The following MYO6 variants were observed in gnomAD, a reference collection of about 807,000 sequenced individuals.
The protein encoded by MYO6 is myosin VI.
MYO6 carries 74 observed loss-of-function variants against 178.7 expected under a neutral mutation model. That is an observed-to-expected ratio of 0.41 (90% confidence interval 0.34 to 0.50). The LOEUF (loss-of-function observed/expected upper bound fraction) is 0.50. Among genes scored for constraint, MYO6 ranks in the 20% least tolerant of loss-of-function variants. The pLI is 0.09. For missense variants in MYO6, 1,330 were observed against 1,547.4 expected (o/e 0.86, Z 2.36); for synonymous variants, 477 against 504.6 (o/e 0.95, Z 0.73).
chr6:75,893,993 A>G (rs1195666816), intron 28 of MYO6, among the ~76,000 whole-genome samples: 1 of 152,190 alleles, frequency 6.6e-6, no homozygotes, highest in Non-Finnish European at 1.5e-5. Flanking sequence ...GCAGGCTCTT[A>G]AACGAACCAA....
intron 25 of MYO6, among the ~76,000 whole-genome samples, chr6:75,889,203 G>A (rs1010463677): frequency 2.0e-4 from 31 of 152,080 alleles, no homozygotes; most frequent in Non-Finnish European, 4.3e-4. Flanking sequence ...AGACTCAGCT[G>A]ATTTTATAAA....
intron 20 of MYO6, 109 bp downstream of exon 20, chr6:75,873,409 C>A: frequency 1.1e-6 from 1 of 910,490 alleles, no homozygotes; most frequent in Non-Finnish European, 1.8e-6. Flanking sequence ...TTTTACAGTG[C>A]AATAAAATTT....
intron 2 of MYO6, among the ~76,000 whole-genome samples, chr6:75,818,985 G>A (rs1191310114): frequency 6.6e-6 from 1 of 152,116 alleles, no homozygotes; most frequent in African/African-American, 2.4e-5. Context: ...TTTCCTAGGT[G>A]TTTATATATA....
Position 75,815,958 on chromosome 6 carries a change from C to T in MYO6, c.-47-1543C>T, listed in dbSNP as rs62414784. ...ACATTTTAGTCTCATAGCATCCAGG[C>T]TCATTAAAACAAAATATTTTGCATG... On this transcript the variant is annotated intron_variant, in intron 1 of 34. Transcript: ENST00000369977. 6.2e-3 allele frequency among the ~76,000 whole-genome samples: 940 copies of T among 152,302 alleles called. 9 individuals are homozygous for T. Among genetic ancestry groups the T allele is most frequent in the Non-Finnish European group, 0.01 (697 of 68,034 alleles).
chr6:75,784,791 A>G (rs75966601), intron 1 of MYO6, among the ~76,000 whole-genome samples: 1 of 131,264 alleles, frequency 7.6e-6, no homozygotes. Flanking sequence ...AAAAAAAAAA[A>G]AAAAAAAAAA....
At chr6:75,885,566 A>T (rs1316483205) in intron 23 of MYO6, among the ~76,000 whole-genome samples, 1 of 151,976 alleles carries the variant, frequency 6.6e-6, no homozygotes, top group Non-Finnish European at 1.5e-5. Flanking sequence ...CTCCTGCCTC[A>T]GCCTCCCATA....
chr6:75,868,563 A>G (rs1417582445), intron 18 of MYO6, among the ~76,000 whole-genome samples: 2 of 152,102 alleles, frequency 1.3e-5, no homozygotes, highest in Non-Finnish European at 2.9e-5. Flanking sequence ...ATTTAATACA[A>G]TGTATTTTTT....
At chr6:75,827,714 C>T (rs1304766353) in intron 3 of MYO6, among the ~76,000 whole-genome samples, 2 of 152,168 alleles carry the variant, frequency 1.3e-5, no homozygotes, top group Non-Finnish European at 2.9e-5. Flanking sequence ...GAGTACCTGC[C>T]ATGAGCTGGC....
intron 1 of MYO6, among the ~76,000 whole-genome samples, chr6:75,794,757 AAAAT>A (rs1562168576): frequency 0.011 from 1,544 of 145,026 alleles, 31 homozygotes; most frequent in African/African-American, 0.039. Flanking sequence ...AATAAAAAAA[AAAAT>A]AAAATGTGCT....
chr6:75,889,989 G>T, intron 25 of MYO6, 68 bp from the exon 26 acceptor site: 2 of 1,062,276 alleles, frequency 1.9e-6, no homozygotes, highest in Admixed American at 1.7e-5. Flanking sequence ...GTATTGTTAA[G>T]TATATTCACA....
chr6:75,857,066 G>T lies in MYO6; in HGVS notation c.1224-31G>T, dbSNP rs768918981. 2.8e-5 allele frequency: 45 copies of T among 1,611,284 alleles called. No homozygotes were observed. The Admixed American group carries it at 7.5e-4, about 27-fold the overall frequency. Reference sequence around the variant, plus strand: ...CATTTTCACAGTGCACTATTATAAAGAATTTTTACTAGCATAGTTTTCTTT... The same window carrying T: ...CATTTTCACAGTGCACTATTATAAATAATTTTTACTAGCATAGTTTTCTTT... On this transcript the variant is annotated intron_variant, in intron 12 of 34. Coordinates refer to ENST00000369977, the MANE Select transcript of MYO6 (RefSeq NM_004999.4).
chr6:75,812,059 C>T (rs1289296431), intron 1 of MYO6, among the ~76,000 whole-genome samples: 2 of 152,050 alleles, frequency 1.3e-5, no homozygotes, highest in African/African-American at 4.8e-5. Flanking sequence ...TACTCTGTCT[C>T]CCAGGCTGGA....
At chr6:75,811,972 G>C (rs978862042) in intron 1 of MYO6, among the ~76,000 whole-genome samples, 4 of 152,156 alleles carry the variant, frequency 2.6e-5, no homozygotes, top group African/African-American at 9.6e-5. Context: ...GAGCTTGTTA[G>C]AAAGTGGTGG....
Position 75,800,159 on chromosome 6 carries a change from C to G in MYO6, c.-47-17342C>G, listed in dbSNP as rs191016626. Among the ~76,000 whole-genome samples the G allele has an allele frequency of 4.2e-3, 642 of 152,264 alleles. 2 individuals carry two copies. The highest frequency in any genetic ancestry group is 7.1e-3 in the Non-Finnish European group (480 of 68,024). On this transcript the variant is annotated intron_variant, in intron 1 of 34. Coordinates refer to ENST00000369977, the MANE Select transcript of MYO6 (RefSeq NM_004999.4). ...TTTCACTTCATGGTTCAACCCCCCT[C>G]CAGACTCTACTCTCCCCAAACAGTC...
intron 1 of MYO6, among the ~76,000 whole-genome samples, chr6:75,766,213 C>T (rs1243590820): frequency 2.6e-5 from 4 of 152,044 alleles, no homozygotes; most frequent in Admixed American, 2.6e-4. Flanking sequence ...ATCCCAGCTA[C>T]GTGGGAGGCT....
At chr6:75,771,006 T>C (rs1385899404) in intron 1 of MYO6, among the ~76,000 whole-genome samples, 1 of 151,754 alleles carries the variant, frequency 6.6e-6, no homozygotes, top group Non-Finnish European at 1.5e-5. Flanking sequence ...TTTTTTCTTT[T>C]TTTTTTTTTC....
intron 1 of MYO6, among the ~76,000 whole-genome samples, chr6:75,816,467 A>G (rs1771259178): frequency 6.6e-6 from 1 of 152,250 alleles, no homozygotes; most frequent in Non-Finnish European, 1.5e-5. Flanking sequence ...TCGGCCTCTC[A>G]AAGTGTTGGC....
intron 1 of MYO6, among the ~76,000 whole-genome samples, chr6:75,786,206 G>A (rs1427073157): frequency 6.6e-6 from 1 of 152,116 alleles, no homozygotes; most frequent in African/African-American, 2.4e-5. Context: ...GATTACAAGT[G>A]TGAACTACTG....
intron 1 of MYO6, among the ~76,000 whole-genome samples, chr6:75,790,027 T>G (rs1024015045): frequency 1.3e-5 from 2 of 152,248 alleles, no homozygotes; most frequent in African/African-American, 4.8e-5. Context: ...CTTAATATAT[T>G]ATCTTCTAGG....
Sources: gnomAD v4.1 joint callset for allele counts (sites outside exome capture counted in the v4.1 genomes callset) on GRCh38, gnomAD v4.1.1 for gene constraint, MANE v1.5 for transcripts, NCBI Gene and HGNC (gene_info 2026-07-23, HGNC 2026-07-21) for gene names.